AGAP1: variants seen among roughly 807,000 people sequenced by gnomAD.
AGAP1 encodes ArfGAP with GTPase domain, ankyrin repeat and PH domain 1, also known as arf-GAP with GTPase, ANK repeat and PH domain-containing protein 1.
In AGAP1, 29 loss-of-function variants were observed where a neutral mutation model predicts 105.3. The observed-to-expected ratio is 0.28, with a 90% CI of 0.21 to 0.38. The LOEUF is 0.38. AGAP1 is among the 10% of genes least tolerant of loss of function. AGAP1 has a pLI of 1.00. For missense variants in AGAP1, 998 were observed against 1,165.1 expected (o/e 0.86, Z 2.09); for synonymous variants, 509 against 485.9 (o/e 1.05, Z -0.63).
At chr2:235,554,534 C>T (rs980438526) in intron 1 of AGAP1, among the ~76,000 whole-genome samples, 1 of 151,978 alleles carries the variant, frequency 6.6e-6, no homozygotes, top group Non-Finnish European at 1.5e-5. Context: ...AGGAAACCAC[C>T]AGAAGGGCTC....
chr2:235,934,476 A>G lies in AGAP1; in HGVS notation c.1483+3553A>G, dbSNP rs898250969. Among the ~76,000 whole-genome samples the G allele has an allele frequency of 2.0e-5, 3 of 152,184 alleles. No homozygotes were observed. The highest frequency in any genetic ancestry group is 7.2e-5 in the African/African-American group (3 of 41,434). Reference sequence around the variant, plus strand: ...CTGCTTCGTCAAGTGGCCAGACCCCAGCAATGTTTAGTGAACACCAGGGCA... The same window carrying G: ...CTGCTTCGTCAAGTGGCCAGACCCCGGCAATGTTTAGTGAACACCAGGGCA... On this transcript the variant is annotated intron_variant, in intron 12 of 17. Transcript: ENST00000304032. This position sits in a 1 kb window ranked among gnomAD's most constrained non-coding sequence, Gnocchi z 4.9.
chr2:235,945,242 A>T (rs373842603), intron 12 of AGAP1, among the ~76,000 whole-genome samples: 1 of 152,152 alleles, frequency 6.6e-6, no homozygotes, highest in Non-Finnish European at 1.5e-5. Flanking sequence ...CTGGGGCTAC[A>T]GGTGCCCGCC....
In AGAP1 at chr2:235,639,148, A is replaced by C. The variant is rs1011570822; in HGVS notation, c.164-70031A>C. ...GCAGGAATGAGGGTGGATGTGGGGCATGGGGAATTGGACGGATGATAGTGG... is the reference window on the plus strand; with the variant it reads ...GCAGGAATGAGGGTGGATGTGGGGCCTGGGGAATTGGACGGATGATAGTGG... On this transcript the variant is annotated intron_variant, in intron 1 of 17. Transcript: ENST00000304032. This position sits in a 1 kb window ranked among gnomAD's most constrained non-coding sequence, Gnocchi z 5.3. 6.6e-6 allele frequency among the ~76,000 whole-genome samples: 1 copy of C among 152,116 alleles called. No homozygotes were observed. Among genetic ancestry groups the C allele is most frequent in the Admixed American group, 6.5e-5 (1 of 15,270 alleles).
rs1243086697 is a variant in AGAP1, at chr2:235,577,798, C to T, written c.163+82949C>T. On this transcript the variant is annotated intron_variant, in intron 1 of 17. Transcript: ENST00000304032. This position sits in a 1 kb window ranked among gnomAD's most constrained non-coding sequence, Gnocchi z 4.5. ...GGGAGAGAGAGTAGGTTTGCTATTC[C>T]TGAAATGTAATCCCTCCTTCAGCGC... Among the ~76,000 whole-genome samples the T allele has an allele frequency of 1.3e-5, 2 of 152,074 alleles. No individual in the cohort carries two copies. The highest frequency in any genetic ancestry group is 2.9e-5 in the Non-Finnish European group (2 of 68,020).
chr2:235,795,201 G>A (rs1192703159), intron 6 of AGAP1, among the ~76,000 whole-genome samples: 2 of 152,162 alleles, frequency 1.3e-5, no homozygotes, highest in Non-Finnish European at 2.9e-5. Context: ...GCTGGGTTGT[G>A]TGGGGAAGGA....
chr2:235,632,188 C>T (rs796767011), intron 1 of AGAP1, among the ~76,000 whole-genome samples: 1 of 152,340 alleles, frequency 6.6e-6, no homozygotes, highest in African/African-American at 2.4e-5. Context: ...AGCTTAGCCG[C>T]CCTGGCAGTT....
chr2:235,809,704 C>T (rs987099117), intron 9 of AGAP1, among the ~76,000 whole-genome samples: 17 of 152,132 alleles, frequency 1.1e-4, no homozygotes, highest in Non-Finnish European at 2.4e-4. Flanking sequence ...TGTGTGTACC[C>T]TTGTTTCTAA....
At position 235,908,749 on chromosome 2, in the gene AGAP1, G is replaced by A. The variant is rs770613599; in HGVS notation, c.1167G>A (p.Gln389=). 1.9e-6 allele frequency: 3 copies of A among 1,606,918 alleles called. No homozygotes were observed. Among genetic ancestry groups the A allele is most frequent in the East Asian group, 4.5e-5 (2 of 44,692 alleles). The change falls in exon 11 of 18, where the codon CAG becomes CAA. Residue 389 remains glutamine (Q), a synonymous_variant. Coordinates refer to ENST00000304032, the MANE Select transcript of AGAP1 (RefSeq NM_001037131.3). The surrounding 1 kb of genome is among the most constrained non-coding windows in gnomAD (Gnocchi z 4.4). ...AACATTTTCAACAGGATTACATGCA[G>A]AATGTTCATGGTAAGGAGATTGACC... ...TYHPSLHDYM[Q]NVHGKEIDLL...
At chr2:235,567,771 T>TG (rs1389422100) in intron 1 of AGAP1, among the ~76,000 whole-genome samples, 1 of 133,226 alleles carries the variant, frequency 7.5e-6, no homozygotes, top group Non-Finnish European at 1.6e-5. Flanking sequence ...TTGTCCACTG[T>TG]GGGGGGCGGC....
intron 1 of AGAP1, among the ~76,000 whole-genome samples, chr2:235,677,808 A>T (rs1281090431): frequency 6.6e-6 from 1 of 151,260 alleles, no homozygotes; most frequent in Non-Finnish European, 1.5e-5. Context: ...TCTGACTCCT[A>T]CACAGGATCA....
At chr2:235,944,952 GA>G (rs369112869) in intron 12 of AGAP1, among the ~76,000 whole-genome samples, 158 of 152,344 alleles carry the variant, frequency 1.0e-3, no homozygotes, top group African/African-American at 3.6e-3. Flanking sequence ...TCTCCTGGGG[GA>G]CGGTGGTATC....
At chr2:235,870,812 A>G (rs978285528) in intron 9 of AGAP1, among the ~76,000 whole-genome samples, 1 of 151,996 alleles carries the variant, frequency 6.6e-6, no homozygotes. Context: ...ATAAGAACTG[A>G]CCCATGTTTG....
rs147054555 is a variant in AGAP1, at chr2:235,989,382, A to C, written c.1645+20759A>C. 1.3e-5 allele frequency among the ~76,000 whole-genome samples: 2 copies of C among 152,254 alleles called. No homozygotes were observed. The highest frequency in any genetic ancestry group is 2.9e-5 in the Non-Finnish European group (2 of 68,012). On this transcript the variant is annotated intron_variant, in intron 13 of 17. Coordinates refer to ENST00000304032, the MANE Select transcript of AGAP1 (RefSeq NM_001037131.3). This position sits in a 1 kb window ranked among gnomAD's most constrained non-coding sequence, Gnocchi z 4.4. ...GCCCTTCCCCCAACTGGAACCATGG[A>C]GGGAGGAAGAACAGACCAGGTGAAA...
rs536305973 is a variant in AGAP1 at position 235,943,547 on chromosome 2, G to A, written c.1483+12624G>A. On this transcript the variant is annotated intron_variant, in intron 12 of 17. Coordinates refer to ENST00000304032, the MANE Select transcript of AGAP1 (RefSeq NM_001037131.3). ...GTATTTTTAGTAGAGACGGGGTTTC[G>A]CCATGTTGGCCAGGCTGGTCCCGAA... Among the ~76,000 whole-genome samples the A allele has an allele frequency of 6.6e-5, 10 of 151,888 alleles. No individual in the cohort carries two copies. The South Asian group carries it at 8.3e-4, about 13-fold the overall frequency.
chr2:235,999,951 A>G (rs1293985698), intron 13 of AGAP1, among the ~76,000 whole-genome samples: 2 of 152,146 alleles, frequency 1.3e-5, no homozygotes, highest in African/African-American at 4.8e-5. Context: ...ACGTAGTTTT[A>G]TAGTCATGAG....
chr2:235,632,897 A>G (rs1300309995), intron 1 of AGAP1, among the ~76,000 whole-genome samples: 1 of 152,188 alleles, frequency 6.6e-6, no homozygotes, highest in Non-Finnish European at 1.5e-5. Flanking sequence ...TTGTTTTAGA[A>G]GAAGGTTCAG....
chr2:235,598,262 GC>G (rs1160656572), intron 1 of AGAP1, among the ~76,000 whole-genome samples: 1 of 152,178 alleles, frequency 6.6e-6, no homozygotes, highest in Non-Finnish European at 1.5e-5. Flanking sequence ...GTTCCTGCCT[GC>G]CCCCACTGAG....
Position 235,700,266 on chromosome 2 carries a change from G to C in AGAP1, c.164-8913G>C, listed in dbSNP as rs533179854. Among the ~76,000 whole-genome samples, 1 of 152,286 alleles carries C rather than the reference G, an allele frequency of 6.6e-6. No individual in the cohort carries two copies. The highest frequency in any genetic ancestry group is 2.1e-4 in the South Asian group (1 of 4,818). ...GGAAGATAATCCCAGCAGTGCAGGA[G>C]AGCTGTGCTCCACTCCTCAAGGCTG... On this transcript the variant is annotated intron_variant, in intron 1 of 17. Transcript: ENST00000304032. This position sits in a 1 kb window ranked among gnomAD's most constrained non-coding sequence, Gnocchi z 6.1.
Position 235,718,136 on chromosome 2 carries a change from A to AT in AGAP1, c.310+503dup, listed in dbSNP as rs528028937. Among the ~76,000 whole-genome samples the AT allele has an allele frequency of 5.6e-3, 825 of 148,320 alleles. 3 individuals carry two copies. Among genetic ancestry groups the AT allele is most frequent in the Admixed American group, 0.013 (191 of 14,848 alleles). ...AATAATCATTTTGCATGAGAGTAAG[A>AT]TTTTTTTTTTTGCCATTAGGCATTT... On this transcript the variant is annotated intron_variant, in intron 3 of 17. Coordinates refer to ENST00000304032, the MANE Select transcript of AGAP1 (RefSeq NM_001037131.3).
Sources: allele counts gnomAD v4.1 joint callset (sites outside exome capture counted in the v4.1 genomes callset), GRCh38; gene constraint gnomAD v4.1.1; non-coding constraint Gnocchi (gnomAD v3.1); transcripts MANE v1.5; gene names NCBI Gene and HGNC (gene_info 2026-07-23, HGNC 2026-07-21).